The following PCDH15 variants were observed in gnomAD, a reference collection of about 807,000 sequenced individuals.
PCDH15 encodes protocadherin related 15.
In PCDH15, 129 loss-of-function variants were observed where a neutral mutation model predicts 178.5. The ratio of observed to expected loss-of-function variants is 0.72; its 90% CI spans 0.63 to 0.84. PCDH15 has a LOEUF of 0.84. Among genes scored for constraint, PCDH15 ranks in the 40% least tolerant of loss-of-function variants. The pLI, the probability that PCDH15 is intolerant of heterozygous loss-of-function variation, is 0.00. For missense variants in PCDH15, 2,230 were observed against 2,099.9 expected, an observed-to-expected ratio of 1.06 and a Z score of -1.21; for synonymous variants, 800 against 732.0, an observed-to-expected ratio of 1.09 and a Z score of -1.50.
chr10:53,837,977 T>C (rs1193158426), intron 29 of PCDH15, among the ~76,000 whole-genome samples: 1 of 150,648 alleles, frequency 6.6e-6, no homozygotes, highest in African/African-American at 2.4e-5. Context: ...TTTATTTATT[T>C]ATTTATTTAT....
At chr10:55,524,423 A>G (rs929670247) in intron 2 of PCDH15, among the ~76,000 whole-genome samples, 4 of 151,676 alleles carry the variant, frequency 2.6e-5, no homozygotes, top group Non-Finnish European at 5.9e-5. Context: ...TAAGAATTGG[A>G]AAGTCTTAGT....
intron 1 of PCDH15, among the ~76,000 whole-genome samples, chr10:55,266,561 C>G (rs1842300857): frequency 6.6e-6 from 1 of 152,190 alleles, no homozygotes; most frequent in Non-Finnish European, 1.5e-5. Flanking sequence ...TAAGACCAAC[C>G]TGGCTTGCCA....
chr10:54,809,768 A>AAC (rs1364749845), intron 3 of PCDH15, among the ~76,000 whole-genome samples: 1 of 152,176 alleles, frequency 6.6e-6, no homozygotes, highest in Admixed American at 6.5e-5. Flanking sequence ...TGGATCATTG[A>AAC]AAGAGACAAA....
chr10:54,751,048 T>C (rs1946161218), intron 1 of PCDH15, among the ~76,000 whole-genome samples: 1 of 152,234 alleles, frequency 6.6e-6, no homozygotes, highest in Admixed American at 6.5e-5. Context: ...GAAGAGTTTA[T>C]AACATTTAGC....
At chr10:54,123,081 A>G (rs1346985874) in intron 15 of PCDH15, among the ~76,000 whole-genome samples, 1 of 152,184 alleles carries the variant, frequency 6.6e-6, no homozygotes, top group Non-Finnish European at 1.5e-5. Context: ...AAGAAAACCT[A>G]GGAAACACTA....
chr10:54,127,038 T>C (rs1007621733), intron 15 of PCDH15, among the ~76,000 whole-genome samples: 3 of 152,176 alleles, frequency 2.0e-5, no homozygotes, highest in African/African-American at 7.2e-5. Context: ...AGTAAATTAT[T>C]GTTTTCACTA....
chr10:54,968,064 A>G (rs1838836562), intron 2 of PCDH15, among the ~76,000 whole-genome samples: 1 of 152,190 alleles, frequency 6.6e-6, no homozygotes, highest in Admixed American at 6.6e-5. Flanking sequence ...AACACAACCT[A>G]TAACATAACC....
chr10:54,131,487 C>T (rs1053572831), intron 15 of PCDH15, among the ~76,000 whole-genome samples: 7 of 151,232 alleles, frequency 4.6e-5, no homozygotes, highest in African/African-American at 7.3e-5. Flanking sequence ...CTTTTTTTTC[C>T]TCCTAAAGAG....
chr10:55,086,419 A>G (rs10763179), intron 2 of PCDH15, among the ~76,000 whole-genome samples: 48,533 of 151,914 alleles, frequency 0.32, 8,258 homozygotes, highest in African/African-American at 0.44. Flanking sequence ...AATTATCCAT[A>G]GTCAAAAATT....
At chr10:53,813,897 T>G (rs2075968031) in intron 35 of PCDH15, among the ~76,000 whole-genome samples, 2 of 152,304 alleles carry the variant, frequency 1.3e-5, no homozygotes, top group South Asian at 4.1e-4. Flanking sequence ...GCATGTGCAC[T>G]CTGTAAAAAT....
At chr10:54,256,742 G>T (rs1242895197) in intron 8 of PCDH15, among the ~76,000 whole-genome samples, 1 of 151,790 alleles carries the variant, frequency 6.6e-6, no homozygotes, top group Non-Finnish European at 1.5e-5. Context: ...CCTTTTCCAG[G>T]TTTTTCATTG....
At chr10:54,393,080 A>T (rs11004275) in intron 3 of PCDH15, among the ~76,000 whole-genome samples, 40,076 of 151,956 alleles carry the variant, frequency 0.26, 6,449 homozygotes, top group East Asian at 0.82. Flanking sequence ...CTGAATTTAG[A>T]TTCAAGCACT....
At chr10:55,581,838 G>T (rs2132121118) in intron 2 of PCDH15, among the ~76,000 whole-genome samples, 1 of 152,052 alleles carries the variant, frequency 6.6e-6, no homozygotes, top group South Asian at 2.1e-4. Flanking sequence ...TTACACATGT[G>T]GGCAATTTTT....
intron 2 of PCDH15, among the ~76,000 whole-genome samples, chr10:55,507,183 C>T (rs530741583): frequency 3.3e-5 from 5 of 151,458 alleles, no homozygotes; most frequent in Admixed American, 1.3e-4. Context: ...ATGAAAAAAG[C>T]GCATGCAAAG....
chr10:55,271,072 T>C (rs1349585359), intron 1 of PCDH15, among the ~76,000 whole-genome samples: 1 of 151,904 alleles, frequency 6.6e-6, no homozygotes, highest in East Asian at 1.9e-4. Flanking sequence ...CATTCATAAG[T>C]GGGAGCTGAA....
chr10:55,467,423 A>C (rs1234815360), intron 2 of PCDH15, among the ~76,000 whole-genome samples: 1 of 105,978 alleles, frequency 9.4e-6, no homozygotes, highest in Non-Finnish European at 2.0e-5. Flanking sequence ...TTGGAGATTT[A>C]TTCTTTTAAT....
intron 2 of PCDH15, among the ~76,000 whole-genome samples, chr10:54,663,768 C>A (rs533531282): frequency 1.3e-5 from 2 of 150,332 alleles, no homozygotes; most frequent in Non-Finnish European, 3.0e-5. Context: ...CTTATGGCTG[C>A]TACTTCTGAC....
intron 2 of PCDH15, among the ~76,000 whole-genome samples, chr10:54,912,758 C>T (rs535062912): frequency 4.6e-5 from 7 of 152,040 alleles, no homozygotes; most frequent in African/African-American, 7.2e-5. Flanking sequence ...CAGAAAAAGA[C>T]AGAAAGATGA....
intron 26 of PCDH15, among the ~76,000 whole-genome samples, chr10:53,898,077 C>A (rs146541167): frequency 0.34 from 20,268 of 58,940 alleles, 1,564 homozygotes; most frequent in East Asian, 0.55. Flanking sequence ...TGCCAATCTC[C>A]TGCCTCAGCC....
Sources: gnomAD v4.1 joint callset for allele counts (sites outside exome capture counted in the v4.1 genomes callset) on GRCh38, gnomAD v4.1.1 for gene constraint, MANE v1.5 for transcripts, NCBI Gene and HGNC (gene_info 2026-07-23, HGNC 2026-07-21) for gene names.